The following CRB1 variants were observed in gnomAD, a reference collection of about 807,000 sequenced individuals.
The protein encoded by CRB1 is protein crumbs homolog 1.
In CRB1, 83 loss-of-function variants were observed where a neutral mutation model predicts 120.0. The observed-to-expected ratio is 0.69, with a 90% CI of 0.58 to 0.83. The LOEUF (loss-of-function observed/expected upper bound fraction) is 0.83. Among genes scored for constraint, CRB1 ranks in the 40% least tolerant of loss-of-function variants. The probability of loss-of-function intolerance (pLI) is 0.00; values close to 1 mark genes in which losing one functional copy is unlikely to be tolerated. For missense variants in CRB1, 1,699 were observed against 1,687.6 expected (o/e 1.01, Z -0.12); for synonymous variants, 625 against 612.5 (o/e 1.02, Z -0.30).
At chr1:197,350,920 A>G (rs115445953) in intron 4 of CRB1, among the ~76,000 whole-genome samples, 11 of 152,306 alleles carry the variant, frequency 7.2e-5, no homozygotes, top group African/African-American at 2.6e-4. Flanking sequence ...GACCACAGTA[A>G]GCACTAAGTA....
chr1:197,291,533 A>G (rs1434105369), intron 1 of CRB1, among the ~76,000 whole-genome samples: 2 of 151,848 alleles, frequency 1.3e-5, no homozygotes, highest in Non-Finnish European at 2.9e-5. Flanking sequence ...TTTTATCTCA[A>G]TTCAATAATC....
chr1:197,283,882 CAG>C (rs755574519), intron 1 of CRB1, among the ~76,000 whole-genome samples: 6 of 151,396 alleles, frequency 4.0e-5, no homozygotes, highest in Non-Finnish European at 7.4e-5. Context: ...GAGCTACTAA[CAG>C]AAGTAGCTAT....
chr1:197,403,624 A>G (rs990175587), intron 5 of CRB1, among the ~76,000 whole-genome samples: 1 of 151,958 alleles, frequency 6.6e-6, no homozygotes, highest in Non-Finnish European at 1.5e-5. Context: ...AACCCTGCTG[A>G]TGTTTTTTTT....
intron 1 of CRB1, among the ~76,000 whole-genome samples, chr1:197,292,159 A>G (rs1656222011): frequency 6.6e-6 from 1 of 152,232 alleles, no homozygotes; most frequent in African/African-American, 2.4e-5. Context: ...AACAAAATTG[A>G]TAGACCGCTA....
chr1:197,329,923 GA>G (rs1165605523), intron 2 of CRB1, among the ~76,000 whole-genome samples: 1 of 152,046 alleles, frequency 6.6e-6, no homozygotes, highest in Non-Finnish European at 1.5e-5. Context: ...GTACCTTCCT[GA>G]AAGCCTTCCT....
intron 5 of CRB1, among the ~76,000 whole-genome samples, chr1:197,399,546 C>T (rs188332208): frequency 6.6e-6 from 1 of 152,284 alleles, no homozygotes; most frequent in East Asian, 1.9e-4. Context: ...CTACTTTCCT[C>T]ATCAAGTTTT....
chr1:197,252,582 A>ATG, the CRB1 span, among the ~76,000 whole-genome samples: 242 of 15,482 alleles, frequency 0.016, 13 homozygotes, highest in African/African-American at 0.022. Flanking sequence ...ATATATATAT[A>ATG]TGTGTGTGTG....
the CRB1 span, chr1:197,222,456 G>C: frequency 3.9e-6 from 3 of 768,914 alleles, no homozygotes; most frequent in South Asian, 4.0e-5. Context: ...GGTGAAGGGA[G>C]TGGACAAACT....
At position 197,278,037 on chromosome 1, in the gene CRB1, G is replaced by A. The variant is rs80318520; in HGVS notation, c.70+9555G>A. On this transcript the variant is annotated intron_variant, in intron 1 of 11. Coordinates refer to ENST00000367400, the MANE Select transcript of CRB1 (RefSeq NM_201253.3). ...ATATCTTGTTCCCACCACGTACTGT[G>A]TGCAAGTTGGCTGCAGCTCTGCCTC... Among the ~76,000 whole-genome samples, 9 of 151,982 alleles carry A rather than the reference G, an allele frequency of 5.9e-5. No homozygotes were observed. The East Asian group carries it at 1.7e-3, about 29-fold the overall frequency.
chr1:197,356,230 A>C (rs1451856432), intron 4 of CRB1, among the ~76,000 whole-genome samples: 1 of 152,260 alleles, frequency 6.6e-6, no homozygotes, highest in Non-Finnish European at 1.5e-5. Flanking sequence ...GCTCGTATTT[A>C]TAAAAGCAAA....
intron 11 of CRB1, among the ~76,000 whole-genome samples, chr1:197,461,471 T>C (rs1315529426): frequency 6.6e-6 from 1 of 152,102 alleles, no homozygotes; most frequent in Non-Finnish European, 1.5e-5. Context: ...GTGATGCACA[T>C]GTGCATAAAG....
chr1:197,317,486 A>G (rs1032627499), intron 1 of CRB1, among the ~76,000 whole-genome samples: 2 of 151,850 alleles, frequency 1.3e-5, no homozygotes, highest in Non-Finnish European at 2.9e-5. Context: ...CAAAATGAGA[A>G]AAAAAAAATC....
chr1:197,345,432 C>T (rs934698157), intron 3 of CRB1, among the ~76,000 whole-genome samples: 3 of 148,446 alleles, frequency 2.0e-5, no homozygotes, highest in Admixed American at 6.7e-5. Context: ...AATCTAATTT[C>T]AAAGTGAATC....
the CRB1 span, among the ~76,000 whole-genome samples, chr1:197,206,219 T>C: frequency 6.6e-6 from 1 of 152,116 alleles, no homozygotes. Flanking sequence ...TTTTGTTTTA[T>C]TTATCTTTTG....
the CRB1 span, among the ~76,000 whole-genome samples, chr1:197,256,946 TGTGTG>T: frequency 6.6e-6 from 1 of 151,484 alleles, no homozygotes; most frequent in South Asian, 2.1e-4. Flanking sequence ...TGTGTGTGTG[TGTGTG>T]TGTGTGTGTG....
At chr1:197,373,255 G>A (rs1661468418) in intron 5 of CRB1, among the ~76,000 whole-genome samples, 1 of 152,102 alleles carries the variant, frequency 6.6e-6, no homozygotes, top group Non-Finnish European at 1.5e-5. Context: ...GTCCAGTTAG[G>A]TTACTATAAG....
In CRB1 at chr1:197,356,990, G is replaced by A. The variant is rs62645754; in HGVS notation, c.1148G>A (p.Cys383Tyr). 3 of 1,614,192 alleles carry A rather than the reference G, an allele frequency of 1.9e-6. No homozygotes were observed. The highest frequency in any genetic ancestry group is 1.7e-5 in the Admixed American group (1 of 60,022). ...FSYHEASGYV[C>Y]ICQPGFTGIH... ...TACCATGAAGCCTCAGGTTATGTCT[G>A]TATCTGTCAGCCTGGATTCACAGGT... The change falls in exon 5 of 12, where the codon TGT becomes TAT. Residue 383 changes from cysteine to tyrosine, a missense_variant. Cys to Tyr is a radical substitution (Grantham distance 194, BLOSUM62 -2). Coordinates refer to ENST00000367400, the MANE Select transcript of CRB1 (RefSeq NM_201253.3).
chr1:197,403,515 T>C (rs1317870564), intron 5 of CRB1, among the ~76,000 whole-genome samples: 1 of 152,182 alleles, frequency 6.6e-6, no homozygotes, highest in East Asian at 1.9e-4. Flanking sequence ...AACCATCCTA[T>C]AACTTCAAAA....
chr1:197,383,275 T>A (rs1015453210), intron 5 of CRB1, among the ~76,000 whole-genome samples: 6 of 152,110 alleles, frequency 3.9e-5, no homozygotes, highest in Non-Finnish European at 7.4e-5. Context: ...TGGGGAAAGC[T>A]AAAATAGGGA....
Sources: gnomAD v4.1 joint callset for allele counts (sites outside exome capture counted in the v4.1 genomes callset) on GRCh38, gnomAD v4.1.1 for gene constraint, MANE v1.5 for transcripts, NCBI Gene and HGNC (gene_info 2026-07-23, HGNC 2026-07-21) for gene names.